COLEC11: variants seen among roughly 807,000 people sequenced by gnomAD.
COLEC11 encodes collectin subfamily member 11.
A neutral mutation model predicts 27.3 loss-of-function variants in COLEC11; 20 were observed. The ratio of observed to expected loss-of-function variants is 0.73; its 90% confidence interval spans 0.51 to 1.06. The LOEUF (loss-of-function observed/expected upper bound fraction) is 1.06, where lower values mean the gene tolerates loss of function less well. COLEC11 is among the 50% of genes least tolerant of loss of function. The probability of loss-of-function intolerance (pLI) is 0.00; values close to 1 mark genes in which losing one functional copy is unlikely to be tolerated. For synonymous variants in COLEC11, 163 were observed against 154.7 expected (o/e 1.05, Z -0.40); for missense variants, 310 against 383.0 (o/e 0.81, Z 1.59).
At chr2:3,630,444 C>T (rs948247261) in intron 3 of COLEC11, among the ~76,000 whole-genome samples, 4 of 152,198 alleles carry the variant, frequency 2.6e-5, no homozygotes, top group Admixed American at 6.5e-5. Context: ...TAGTCCATCC[C>T]TAAAGAACTG....
chr2:3,624,570 C>T (rs11685780), intron 3 of COLEC11, among the ~76,000 whole-genome samples: 15,304 of 152,172 alleles, frequency 0.1, 1,034 homozygotes, highest in Non-Finnish European at 0.15. Flanking sequence ...TGGGAAAAAA[C>T]ATGGGCCAAG....
At chr2:3,633,979 A>C (rs1665203911) in intron 3 of COLEC11, among the ~76,000 whole-genome samples, 1 of 152,246 alleles carries the variant, frequency 6.6e-6, no homozygotes, top group Admixed American at 6.5e-5. Flanking sequence ...GAGGCCGAGC[A>C]GAAGCACGGG....
chr2:3,598,091 A>G lies in COLEC11; in HGVS notation c.-27+2923A>G, dbSNP rs532597183. On this transcript the variant is annotated intron_variant, in intron 1 of 6. Coordinates refer to ENST00000349077, the MANE Select transcript of COLEC11 (RefSeq NM_024027.5). ...ACTGGAATTCCAGGCACCCGCCACC[A>G]TGCCCAGCTAATTTTTGTATTTTTA... 3.2e-3 allele frequency among the ~76,000 whole-genome samples: 494 copies of G among 152,110 alleles called. 1 individual carries two copies. Among genetic ancestry groups the G allele is most frequent in the Middle Eastern group, 6.8e-3 (2 of 294 alleles).
intron 3 of COLEC11, among the ~76,000 whole-genome samples, chr2:3,613,976 C>CTTTTTTTT (rs1461288131): frequency 6.8e-4 from 62 of 91,344 alleles, no homozygotes; most frequent in African/African-American, 1.8e-3. Flanking sequence ...TTCTTTCTTT[C>CTTTTTTTT]TTTCTTTTTT....
chr2:3,613,967 T>C (rs1663447282), intron 3 of COLEC11, among the ~76,000 whole-genome samples: 1 of 70,144 alleles, frequency 1.4e-5, no homozygotes, highest in Non-Finnish European at 3.5e-5. Context: ...TTTTTCTTTT[T>C]CTTTCTTTCT....
intron 1 of COLEC11, among the ~76,000 whole-genome samples, chr2:3,595,621 G>C (rs1046371146): frequency 6.6e-6 from 1 of 152,232 alleles, no homozygotes; most frequent in African/African-American, 2.4e-5. Flanking sequence ...TCTGTGTTGG[G>C]CTCAGGAACG....
intron 3 of COLEC11, among the ~76,000 whole-genome samples, chr2:3,628,145 A>G (rs564420151): frequency 6.6e-6 from 1 of 152,368 alleles, no homozygotes; most frequent in South Asian, 2.1e-4. Context: ...ACTGTTGGAA[A>G]AATATCCTGA....
chr2:3,628,308 C>G (rs1664709418), intron 3 of COLEC11, among the ~76,000 whole-genome samples: 1 of 152,232 alleles, frequency 6.6e-6, no homozygotes, highest in Non-Finnish European at 1.5e-5. Flanking sequence ...TCCGGCCATG[C>G]TGGGCGGGGG....
At chr2:3,634,400 G>A (rs912171414) in intron 3 of COLEC11, among the ~76,000 whole-genome samples, 2 of 152,168 alleles carry the variant, frequency 1.3e-5, no homozygotes, top group Admixed American at 6.5e-5. Context: ...CTGGCTGGGC[G>A]GACCCAGCAG....
At chr2:3,620,305 T>G (rs1265752971) in intron 3 of COLEC11, among the ~76,000 whole-genome samples, 13 of 152,200 alleles carry the variant, frequency 8.5e-5, no homozygotes, top group Non-Finnish European at 1.2e-4. Flanking sequence ...TTCTAGGAAT[T>G]TATCCATTTC....
intron 3 of COLEC11, among the ~76,000 whole-genome samples, chr2:3,636,085 G>T (rs539279770): frequency 2.0e-5 from 3 of 152,312 alleles, no homozygotes; most frequent in African/African-American, 7.2e-5. Context: ...GGAGTTCCTG[G>T]CAGGGAAGTC....
intron 5 of COLEC11, among the ~76,000 whole-genome samples, chr2:3,642,647 C>T (rs1027218902): frequency 8.5e-5 from 13 of 152,318 alleles, no homozygotes; most frequent in East Asian, 3.9e-4. Flanking sequence ...TTCTGTACCC[C>T]GGGCCCCTGT....
intron 2 of COLEC11, among the ~76,000 whole-genome samples, chr2:3,608,550 C>T (rs1183107773): frequency 1.3e-5 from 2 of 152,162 alleles, no homozygotes; most frequent in East Asian, 3.8e-4. Flanking sequence ...TGGCCAGGTG[C>T]AGTGGGTCAC....
At chr2:3,624,127 G>T (rs1180504247) in intron 3 of COLEC11, among the ~76,000 whole-genome samples, 2 of 152,160 alleles carry the variant, frequency 1.3e-5, no homozygotes, top group Non-Finnish European at 2.9e-5. Context: ...GGTGCTACTA[G>T]CCTCTCATTA....
chr2:3,644,459 T>C lies in COLEC11; in HGVS notation c.*341T>C, dbSNP rs1666121712. The C allele has an allele frequency of 5.8e-6, 3 of 513,830 alleles. No homozygotes were observed. Among genetic ancestry groups the C allele is most frequent in the Non-Finnish European group, 1.1e-5 (3 of 266,954 alleles). The allele number at this position is 513,830 out of a possible 1,614,324, so 31.8% of individuals were successfully genotyped here. On this transcript the variant is annotated 3_prime_UTR_variant, in exon 7 of 7. Transcript: ENST00000349077. ...AAGTAGTGCAGTAGTTAAGTCCAAATAGTGGCAATGGGGTCTTGAATTACT... is the reference window on the plus strand; with the variant it reads ...AAGTAGTGCAGTAGTTAAGTCCAAACAGTGGCAATGGGGTCTTGAATTACT...
intron 1 of COLEC11, 59 bp from the exon 2 acceptor site, chr2:3,604,256 T>C: frequency 6.3e-7 from 1 of 1,598,222 alleles, no homozygotes; most frequent in Non-Finnish European, 8.6e-7. Context: ...GCCTGCTCAC[T>C]GTCACTGGCT....
intron 3 of COLEC11, among the ~76,000 whole-genome samples, chr2:3,630,012 C>T (rs1664858827): frequency 6.6e-6 from 1 of 152,080 alleles, no homozygotes; most frequent in African/African-American, 2.4e-5. Flanking sequence ...ATGCATCATG[C>T]ATATGTGTAT....
intron 3 of COLEC11, among the ~76,000 whole-genome samples, chr2:3,614,013 G>A (rs1385560370): frequency 1.8e-5 from 2 of 113,364 alleles, no homozygotes; most frequent in East Asian, 5.0e-4. Flanking sequence ...GTCTTGCTCT[G>A]TTGCCCAGGC....
intron 4 of COLEC11, among the ~76,000 whole-genome samples, chr2:3,639,682 C>T (rs954717180): frequency 1.3e-5 from 2 of 152,194 alleles, no homozygotes; most frequent in African/African-American, 4.8e-5. Context: ...TTGTTTTGGA[C>T]GTTGAGGAGA....
Sources: allele counts gnomAD v4.1 joint callset (sites outside exome capture counted in the v4.1 genomes callset), GRCh38; gene constraint gnomAD v4.1.1; transcripts MANE v1.5; gene names NCBI Gene and HGNC (gene_info 2026-07-23, HGNC 2026-07-21).